Variants in HMGCLL1 observed in about 807,000 individuals in gnomAD.
HMGCLL1 encodes the protein 3-hydroxy-3-methylglutaryl-CoA lyase like 1, also known as 3-hydroxymethyl-3-methylglutaryl-CoA lyase, cytoplasmic.
Under a neutral mutation model 39.1 loss-of-function variants are expected in HMGCLL1, and 36 were observed. The ratio of observed to expected loss-of-function variants is 0.92; its 90% CI spans 0.71 to 1.22. The LOEUF is 1.22. Among genes scored for constraint, HMGCLL1 ranks in the 50% most tolerant of loss-of-function variants. The probability of loss-of-function intolerance (pLI) is 0.00; values close to 1 mark genes in which losing one functional copy is unlikely to be tolerated. For missense variants in HMGCLL1, 451 were observed against 416.5 expected, an observed-to-expected ratio of 1.08 and a Z score of -0.72; for synonymous variants, 149 against 144.0, an observed-to-expected ratio of 1.03 and a Z score of -0.25.
At chr6:55,611,335 A>T in the HMGCLL1 span, among the ~76,000 whole-genome samples, 29 of 152,202 alleles carry the variant, frequency 1.9e-4, no homozygotes, top group African/African-American at 5.5e-4. Flanking sequence ...ACACCCTAAC[A>T]TCACAACTAA....
intron 1 of HMGCLL1, among the ~76,000 whole-genome samples, chr6:55,562,457 A>G (rs1052744761): frequency 1.3e-5 from 2 of 152,128 alleles, no homozygotes; most frequent in African/African-American, 4.8e-5. Flanking sequence ...GTACTTCGAA[A>G]AAAATGAGAG....
At chr6:55,478,232 C>A (rs749768804) in intron 7 of HMGCLL1, among the ~76,000 whole-genome samples, 2 of 151,012 alleles carry the variant, frequency 1.3e-5, no homozygotes, top group Non-Finnish European at 3.0e-5. Context: ...TGCCCTTTTT[C>A]ATTCCCTCTA....
At chr6:55,441,244 G>T (rs1431022312) in intron 7 of HMGCLL1, among the ~76,000 whole-genome samples, 1 of 152,114 alleles carries the variant, frequency 6.6e-6, no homozygotes, top group Non-Finnish European at 1.5e-5. Context: ...GCAGAAGACA[G>T]GATAGGGTGA....
intron 7 of HMGCLL1, among the ~76,000 whole-genome samples, chr6:55,472,008 C>A (rs1426896837): frequency 6.6e-6 from 1 of 151,688 alleles, no homozygotes; most frequent in African/African-American, 2.4e-5. Flanking sequence ...TTTTCATTCT[C>A]ATAAGTGATA....
chr6:55,448,383 A>G (rs1409993233), intron 7 of HMGCLL1, among the ~76,000 whole-genome samples: 1 of 150,674 alleles, frequency 6.6e-6, no homozygotes, highest in Non-Finnish European at 1.5e-5. Flanking sequence ...TAATATGAAA[A>G]AATGAATAGG....
intron 3 of HMGCLL1, among the ~76,000 whole-genome samples, chr6:55,538,182 T>C (rs1394489492): frequency 6.6e-6 from 1 of 152,148 alleles, no homozygotes; most frequent in Non-Finnish European, 1.5e-5. Context: ...AACATTACTA[T>C]AGGAAAGACT....
the HMGCLL1 span, among the ~76,000 whole-genome samples, chr6:55,657,621 T>C: frequency 6.6e-6 from 1 of 151,812 alleles, no homozygotes; most frequent in Non-Finnish European, 1.5e-5. Context: ...ATGTTCATTG[T>C]AGCACTATTC....
intron 1 of HMGCLL1, among the ~76,000 whole-genome samples, chr6:55,546,568 T>C (rs796923573): frequency 1.4e-4 from 21 of 152,258 alleles, no homozygotes; most frequent in African/African-American, 4.8e-4. Flanking sequence ...CCAAAACTCC[T>C]GCCCATAACT....
the HMGCLL1 span, among the ~76,000 whole-genome samples, chr6:55,604,788 C>T: frequency 2.0e-5 from 3 of 152,136 alleles, no homozygotes; most frequent in South Asian, 4.1e-4. Flanking sequence ...TCTGAATACA[C>T]GGAGTTATGT....
the HMGCLL1 span, among the ~76,000 whole-genome samples, chr6:55,608,539 A>G: frequency 6.6e-6 from 1 of 152,238 alleles, no homozygotes; most frequent in African/African-American, 2.4e-5. Context: ...AGGGCAGCCA[A>G]GAAGGCCAGT....
At chr6:55,616,186 A>G in the HMGCLL1 span, among the ~76,000 whole-genome samples, 1 of 152,076 alleles carries the variant, frequency 6.6e-6, no homozygotes, top group Non-Finnish European at 1.5e-5. Context: ...CAGCCTTTGA[A>G]TCTATGTTTG....
chr6:55,658,684 C>A, the HMGCLL1 span, among the ~76,000 whole-genome samples: 3 of 151,888 alleles, frequency 2.0e-5, no homozygotes, highest in East Asian at 3.9e-4. Flanking sequence ...TAAATCATTT[C>A]TTTATTCAAC....
intron 3 of HMGCLL1, among the ~76,000 whole-genome samples, chr6:55,531,934 T>C (rs1400093266): frequency 6.6e-6 from 1 of 152,058 alleles, no homozygotes; most frequent in Non-Finnish European, 1.5e-5. Flanking sequence ...AGTTGTATAA[T>C]TATTTCATTA....
chr6:55,564,618 A>T (rs1225643030), intron 1 of HMGCLL1, among the ~76,000 whole-genome samples: 1 of 152,144 alleles, frequency 6.6e-6, no homozygotes, highest in Non-Finnish European at 1.5e-5. Context: ...TTCATTATGT[A>T]TGTGAATTTT....
At chr6:55,469,403 G>A (rs937359912) in intron 7 of HMGCLL1, among the ~76,000 whole-genome samples, 4 of 136,216 alleles carry the variant, frequency 2.9e-5, no homozygotes, top group African/African-American at 5.1e-5. Flanking sequence ...ACATATATAT[G>A]TATATATACT....
chr6:55,467,874 A>G (rs1469617961), intron 7 of HMGCLL1, among the ~76,000 whole-genome samples: 1 of 152,066 alleles, frequency 6.6e-6, no homozygotes, highest in East Asian at 1.9e-4. Context: ...TGAAGATACT[A>G]TGTGAACAGC....
intron 1 of HMGCLL1, among the ~76,000 whole-genome samples, chr6:55,553,249 G>GTGTGTGTGTGTA: frequency 9.9e-5 from 1 of 10,106 alleles, no homozygotes; most frequent in South Asian, 1.8e-3. Flanking sequence ...ACATATATAC[G>GTGTGTGTGTGTA]TGTGTGTGTG....
chr6:55,472,503 T>C (rs1428018851), intron 7 of HMGCLL1, among the ~76,000 whole-genome samples: 3 of 151,640 alleles, frequency 2.0e-5, no homozygotes, highest in Admixed American at 6.6e-5. Flanking sequence ...ATAGGAGTTT[T>C]ATATGTATTC....
chr6:55,596,824 A>G, the HMGCLL1 span, among the ~76,000 whole-genome samples: 3 of 152,170 alleles, frequency 2.0e-5, no homozygotes, highest in African/African-American at 7.2e-5. Flanking sequence ...ATCATTTGCC[A>G]AGTTAGCATT....
Sources: allele counts gnomAD v4.1 joint callset (sites outside exome capture counted in the v4.1 genomes callset), GRCh38; gene constraint gnomAD v4.1.1; transcripts MANE v1.5; gene names NCBI Gene and HGNC (gene_info 2026-07-23, HGNC 2026-07-21).